Variants in PCDH19 observed in about 807,000 individuals in gnomAD.
PCDH19 encodes the protein protocadherin 19.
PCDH19 carries 6 observed loss-of-function variants against 46.2 expected under a neutral mutation model. That is an observed-to-expected ratio of 0.13 (90% CI 0.07 to 0.26). PCDH19 has a LOEUF of 0.26. PCDH19 is among the 10% of genes least tolerant of loss of function. PCDH19 has a pLI of 1.00. For missense variants in PCDH19, 740 were observed against 972.3 expected, an observed-to-expected ratio of 0.76 and a Z score of 3.18; for synonymous variants, 481 against 415.7, an observed-to-expected ratio of 1.16 and a Z score of -1.91.
At chrX:100,376,307 A>T (rs1028837034) in intron 3 of PCDH19, among the ~76,000 whole-genome samples, 2 of 110,444 alleles carry the variant, frequency 1.8e-5, no homozygotes, top group Non-Finnish European at 3.8e-5. Flanking sequence ...TTTTAGACAC[A>T]CAATACATAT....
At chrX:100,306,773 T>G (rs1924959836) in intron 5 of PCDH19, among the ~76,000 whole-genome samples, 1 of 110,911 alleles carries the variant, frequency 9.0e-6, no homozygotes, top group South Asian at 3.9e-4. Context: ...TCAAGGCTAC[T>G]ATGAACACCT....
intron 5 of PCDH19, among the ~76,000 whole-genome samples, chrX:100,297,752 A>G (rs1318544246): frequency 9.0e-6 from 1 of 111,553 alleles, no homozygotes; most frequent in African/African-American, 3.3e-5. Context: ...CAGGTTCACT[A>G]AGGGTTAAAG....
intron 3 of PCDH19, among the ~76,000 whole-genome samples, chrX:100,351,048 C>G (rs1200523091): frequency 8.9e-6 from 1 of 112,951 alleles, no homozygotes; most frequent in Non-Finnish European, 1.9e-5. Context: ...TATGGCCCAT[C>G]AAATTGACTG....
chrX:100,322,865 A>ATATATTTTTTT lies in PCDH19; in HGVS notation c.2848+19037_2848+19038insAAAAAAATATA. On this transcript the variant is annotated intron_variant, in intron 5 of 5. Coordinates refer to ENST00000373034, the MANE Select transcript of PCDH19 (RefSeq NM_001184880.2). ...TATATATATATATATATATATATAT[A>ATATATTTTTTT]TTTTTGCAGCTATTGTAAAAGGGGT... 4.9e-3 allele frequency among the ~76,000 whole-genome samples: 267 copies of ATATATTTTTTT among 54,346 alleles called. 5 individuals carry two copies. Among genetic ancestry groups the ATATATTTTTTT allele is most frequent in the Non-Finnish European group, 8.0e-3 (242 of 30,143 alleles). The allele number at this position is 54,346 out of a possible 115,157, so 47.2% of individuals were successfully genotyped here.
rs1388666203 is a variant in PCDH19 at position 100,296,345 on chromosome X, G to A, written c.3379C>T (p.Pro1127Ser). The A allele has an allele frequency of 1.2e-5, 15 of 1,209,729 alleles. No homozygotes were observed. The highest frequency in any genetic ancestry group is 1.7e-5 in the Non-Finnish European group (15 of 895,092). Residue 1127 changes from proline (P) to serine (S), a missense_variant, in exon 6 of 6, where the codon CCC becomes TCC. Around this residue, in one of 5 missense-constraint regions of PCDH19, gnomAD observed 416 missense variants for 476.8 expected, o/e 0.87. Transcript: ENST00000373034. Reference sequence around the variant, plus strand: ...TTGTTGCGACCTTCCTTCAGAATGGGGCTGACCTCATGCATGACTTTCTCG... The same window carrying A: ...TTGTTGCGACCTTCCTTCAGAATGGAGCTGACCTCATGCATGACTTTCTCG... ...DSEKVMHEVS[P>S]ILKEGRNKES...
chrX:100,310,652 T>G (rs1925103212), intron 5 of PCDH19, among the ~76,000 whole-genome samples: 1 of 109,948 alleles, frequency 9.1e-6, no homozygotes, highest in African/African-American at 3.3e-5. Context: ...TTTTGAAAGT[T>G]TCATATAAAG....
At chrX:100,393,352 C>T (rs912012599) in intron 3 of PCDH19, among the ~76,000 whole-genome samples, 9 of 110,586 alleles carry the variant, frequency 8.1e-5, no homozygotes, top group Non-Finnish European at 1.1e-4. Flanking sequence ...GACATGTGTA[C>T]GGTCAGCCCA....
intron 5 of PCDH19, among the ~76,000 whole-genome samples, chrX:100,298,503 C>T (rs1924684823): frequency 8.9e-6 from 1 of 111,832 alleles, no homozygotes; most frequent in Non-Finnish European, 1.9e-5. Context: ...CAGTGCTGGG[C>T]AATGAAACAC....
At chrX:100,343,799 T>C (rs1244708365) in intron 4 of PCDH19, among the ~76,000 whole-genome samples, 1 of 111,934 alleles carries the variant, frequency 8.9e-6, no homozygotes, top group Non-Finnish European at 1.9e-5. Flanking sequence ...ACACAAACCC[T>C]AATAGACCTA....
At chrX:100,355,583 C>T (rs995872693) in intron 3 of PCDH19, among the ~76,000 whole-genome samples, 1 of 111,780 alleles carries the variant, frequency 8.9e-6, no homozygotes, top group East Asian at 2.8e-4. Flanking sequence ...TTGTAACGTT[C>T]TGCATAGACA....
chrX:100,309,768 A>C (rs1463425651), intron 5 of PCDH19, among the ~76,000 whole-genome samples: 2 of 111,868 alleles, frequency 1.8e-5, no homozygotes, highest in Admixed American at 9.5e-5. Context: ...TTGCCAAAAG[A>C]CAAGACAGAA....
intron 5 of PCDH19, among the ~76,000 whole-genome samples, chrX:100,301,338 T>G (rs1028524435): frequency 5.4e-5 from 6 of 112,080 alleles, no homozygotes; most frequent in Non-Finnish European, 1.1e-4. Context: ...GATTCAGAGT[T>G]TGGGTGTATT....
At chrX:100,352,633 G>C (rs1015960663) in intron 3 of PCDH19, among the ~76,000 whole-genome samples, 2 of 111,806 alleles carry the variant, frequency 1.8e-5, no homozygotes, top group African/African-American at 6.5e-5. Flanking sequence ...TCTCTCGATA[G>C]TGAATGAGTT....
intron 3 of PCDH19, among the ~76,000 whole-genome samples, chrX:100,393,218 T>C (rs1363487431): frequency 9.2e-6 from 1 of 108,489 alleles, no homozygotes; most frequent in Non-Finnish European, 1.9e-5. Flanking sequence ...CAAATTGGGG[T>C]GTCATGGCCT....
chrX:100,331,761 T>C (rs1312751071), intron 5 of PCDH19, among the ~76,000 whole-genome samples: 1 of 111,712 alleles, frequency 9.0e-6, no homozygotes, highest in Admixed American at 9.5e-5. Context: ...TCTCTCTCTC[T>C]CCTGTCACTT....
intron 3 of PCDH19, among the ~76,000 whole-genome samples, chrX:100,372,578 T>C (rs1927259537): frequency 1.8e-5 from 2 of 112,871 alleles, no homozygotes; most frequent in African/African-American, 6.4e-5. Context: ...CAAACTTGAA[T>C]TTTATGGGTC....
chrX:100,346,232 C>A (rs1454466365), intron 4 of PCDH19, among the ~76,000 whole-genome samples: 1 of 112,089 alleles, frequency 8.9e-6, no homozygotes, highest in East Asian at 2.8e-4. Flanking sequence ...CCCATATTTA[C>A]CATCTGAAAT....
chrX:100,399,886 C>T (rs977141004), intron 3 of PCDH19, among the ~76,000 whole-genome samples: 2 of 112,061 alleles, frequency 1.8e-5, no homozygotes, highest in African/African-American at 6.5e-5. Context: ...TTTTAAACGG[C>T]TTTTCTAAAT....
At position 100,295,300 on chromosome X, in the gene PCDH19, A is replaced by G. The variant is rs1386770661; in HGVS notation, c.*977T>C. 1 of 112,192 alleles carries G rather than the reference A, an allele frequency of 8.9e-6. No homozygotes were observed. The highest frequency in any genetic ancestry group is 1.9e-5 in the Non-Finnish European group (1 of 53,260). The allele number at this position is 112,192 out of a possible 1,213,427, so 9.2% of individuals were successfully genotyped here. On this transcript the variant is annotated 3_prime_UTR_variant, in exon 6 of 6. Transcript: ENST00000373034. ...AGGGAATTTCTAAGCCTGGAAACAT[A>G]ACTTCAGGAGCAACTTTCCTGTTCA...
Sources: allele counts gnomAD v4.1 joint callset (sites outside exome capture counted in the v4.1 genomes callset), GRCh38; gene constraint gnomAD v4.1.1; regional missense constraint gnomAD v4.1.1; transcripts MANE v1.5; gene names NCBI Gene and HGNC (gene_info 2026-07-23, HGNC 2026-07-21).